The following CCDC172 variants were observed in gnomAD, a reference collection of about 807,000 sequenced individuals.
The protein encoded by CCDC172 is coiled-coil domain-containing protein 172.
In CCDC172, 30 loss-of-function variants were observed where a neutral mutation model predicts 38.0. The observed-to-expected ratio is 0.79, with a 90% CI of 0.59 to 1.07. CCDC172 has a LOEUF of 1.07. Among genes scored for constraint, CCDC172 ranks in the 50% least tolerant of loss-of-function variants. CCDC172 has a pLI of 0.00. For synonymous variants in CCDC172, 78 were observed against 88.3 expected (o/e 0.88, Z 0.66); for missense variants, 297 against 290.1 (o/e 1.02, Z -0.17).
intron 5 of CCDC172, among the ~76,000 whole-genome samples, chr10:116,354,014 C>A (rs1197315848): frequency 6.6e-6 from 1 of 152,196 alleles, no homozygotes; most frequent in Non-Finnish European, 1.5e-5. Flanking sequence ...GAATTACAAA[C>A]ATGTCCACAC....
intron 5 of CCDC172, among the ~76,000 whole-genome samples, chr10:116,350,684 C>CT (rs5788156): frequency 0.092 from 14,040 of 152,032 alleles, 1,297 homozygotes; most frequent in East Asian, 0.34. Flanking sequence ...ATATATGACA[C>CT]TTTTCTTTGC....
Position 116,380,014 on chromosome 10 carries a change from T to G in CCDC172, c.*656T>G, listed in dbSNP as rs1845294513. On this transcript the variant is annotated 3_prime_UTR_variant, in exon 9 of 9. Transcript: ENST00000333254. The stretch of plus-strand genomic sequence containing the variant: ...CAGAACCGTGGGACAATTAAACTTG[T>G]GTTCTTTGTAAATTACCCAGTCTCA... 1 of 152,190 alleles carries G rather than the reference T, an allele frequency of 6.6e-6. No homozygotes were observed. The highest frequency in any genetic ancestry group is 2.1e-4 in the South Asian group (1 of 4,824). 9.4% of individuals were successfully genotyped at this position (152,190 alleles called of 1,614,324 possible). A position where few individuals can be genotyped will look rare whatever the true frequency, so the allele number is the denominator to read the frequency against.
chr10:116,378,095 C>T (rs1383603347), intron 7 of CCDC172, among the ~76,000 whole-genome samples: 3 of 152,104 alleles, frequency 2.0e-5, no homozygotes, highest in Admixed American at 6.6e-5. Flanking sequence ...GCAGGAGAAT[C>T]GCTTGAACCC....
chr10:116,375,220 G>A (rs1186045082), intron 7 of CCDC172, among the ~76,000 whole-genome samples: 1 of 151,964 alleles, frequency 6.6e-6, no homozygotes, highest in South Asian at 2.1e-4. Flanking sequence ...AATTTTTGCT[G>A]CAAACTCATT....
chr10:116,370,753 A>T (rs1845177906), intron 7 of CCDC172, among the ~76,000 whole-genome samples: 1 of 151,738 alleles, frequency 6.6e-6, no homozygotes, highest in East Asian at 1.9e-4. Flanking sequence ...TTTGCCTAGC[A>T]TCAAGGAAAA....
intron 7 of CCDC172, among the ~76,000 whole-genome samples, chr10:116,372,798 A>G (rs2134969926): frequency 6.6e-6 from 1 of 152,314 alleles, no homozygotes; most frequent in East Asian, 1.9e-4. Flanking sequence ...AGACACAAAG[A>G]CATTATATAC....
At chr10:116,328,169 T>C (rs995772612) in intron 3 of CCDC172, among the ~76,000 whole-genome samples, 2 of 152,122 alleles carry the variant, frequency 1.3e-5, no homozygotes, top group African/African-American at 4.8e-5. Context: ...TAATTAGAAC[T>C]TGAATGATAG....
intron 7 of CCDC172, among the ~76,000 whole-genome samples, chr10:116,363,260 G>T (rs554286794): frequency 6.6e-6 from 1 of 152,096 alleles, no homozygotes; most frequent in African/African-American, 2.4e-5. Flanking sequence ...TGGCAGGACC[G>T]CTCCCTCTTC....
At chr10:116,336,453 A>AT (rs1220635183) in intron 3 of CCDC172, among the ~76,000 whole-genome samples, 1 of 151,458 alleles carries the variant, frequency 6.6e-6, no homozygotes, top group East Asian at 1.9e-4. Context: ...CTTGCTAACT[A>AT]TATTAGGATT....
At chr10:116,369,197 G>T (rs12266051) in intron 7 of CCDC172, among the ~76,000 whole-genome samples, 1 of 151,634 alleles carries the variant, frequency 6.6e-6, no homozygotes, top group Admixed American at 6.6e-5. Context: ...TGTTCTTTTC[G>T]TCTAACTTTA....
At chr10:116,339,592 T>C (rs1589949544) in intron 3 of CCDC172, among the ~76,000 whole-genome samples, 1 of 152,076 alleles carries the variant, frequency 6.6e-6, no homozygotes, top group East Asian at 1.9e-4. Context: ...TCTTTCTCTA[T>C]TGATGCCTTT....
At chr10:116,337,506 A>G (rs1022264682) in intron 3 of CCDC172, among the ~76,000 whole-genome samples, 1 of 152,200 alleles carries the variant, frequency 6.6e-6, no homozygotes, top group African/African-American at 2.4e-5. Context: ...GAGGACAGAT[A>G]GAAATGAAAA....
intron 3 of CCDC172, among the ~76,000 whole-genome samples, chr10:116,328,939 T>A (rs931463942): frequency 6.6e-6 from 1 of 152,142 alleles, no homozygotes; most frequent in Non-Finnish European, 1.5e-5. Flanking sequence ...ATCAAAAAAA[T>A]TTAGATCCTA....
At chr10:116,335,564 A>G (rs372358846) in intron 3 of CCDC172, among the ~76,000 whole-genome samples, 1 of 151,988 alleles carries the variant, frequency 6.6e-6, no homozygotes, top group South Asian at 2.1e-4. Context: ...CACTAATTTC[A>G]TGTTGTAATT....
chr10:116,378,149 C>T lies in CCDC172; in HGVS notation c.654-274C>T, dbSNP rs755713785. Among the ~76,000 whole-genome samples, 64 of 152,254 alleles carry T rather than the reference C, an allele frequency of 4.2e-4. 1 individual carries two copies. The highest frequency in any genetic ancestry group is 3.4e-3 in the Middle Eastern group (1 of 294). The stretch of plus-strand genomic sequence containing the variant: ...TGAGCCGAGATCACACCACTGTACT[C>T]CAGCCTGGATGACAGAGCGAGACTC... On this transcript the variant is annotated intron_variant, in intron 7 of 8. Coordinates refer to ENST00000333254, the MANE Select transcript of CCDC172 (RefSeq NM_198515.3).
chr10:116,338,406 A>C (rs568795139), intron 3 of CCDC172, among the ~76,000 whole-genome samples: 1 of 152,280 alleles, frequency 6.6e-6, no homozygotes, highest in South Asian at 2.1e-4. Flanking sequence ...ATAAAGACAG[A>C]AGGTAAGACA....
intron 5 of CCDC172, among the ~76,000 whole-genome samples, chr10:116,346,924 A>G (rs1844874639): frequency 6.6e-6 from 1 of 152,338 alleles, no homozygotes; most frequent in Middle Eastern, 3.4e-3. Context: ...ACTGCTTCAA[A>G]AGGAGAAGCA....
At chr10:116,346,954 A>G (rs1844875128) in intron 5 of CCDC172, among the ~76,000 whole-genome samples, 1 of 152,200 alleles carries the variant, frequency 6.6e-6, no homozygotes, top group South Asian at 2.1e-4. Flanking sequence ...ATGAGAACAT[A>G]TATAAGTAGA....
intron 3 of CCDC172, among the ~76,000 whole-genome samples, chr10:116,327,504 A>G (rs756431545): frequency 2.0e-5 from 3 of 152,118 alleles, no homozygotes; most frequent in Non-Finnish European, 4.4e-5. Flanking sequence ...GCAAATGGAA[A>G]TGTAATTTGT....
Sources: gnomAD v4.1 joint callset for allele counts (sites outside exome capture counted in the v4.1 genomes callset) on GRCh38, gnomAD v4.1.1 for gene constraint, MANE v1.5 for transcripts, NCBI Gene and HGNC (gene_info 2026-07-23, HGNC 2026-07-21) for gene names.